Variants in SUZ12 observed in about 807,000 individuals in gnomAD.
The protein encoded by SUZ12 is polycomb protein SUZ12.
A neutral mutation model predicts 87.3 loss-of-function variants in SUZ12; 17 were observed. The ratio of observed to expected loss-of-function variants is 0.19; its 90% CI spans 0.13 to 0.29. SUZ12 has a LOEUF of 0.29. Among genes scored for constraint, SUZ12 ranks in the 10% least tolerant of loss-of-function variants. The pLI is 1.00. For synonymous variants in SUZ12, 253 were observed against 312.4 expected, an observed-to-expected ratio of 0.81 and a Z score of 2.01; for missense variants, 526 against 912.2, an observed-to-expected ratio of 0.58 and a Z score of 5.45.
intron 3 of SUZ12, among the ~76,000 whole-genome samples, chr17:31,946,975 A>C (rs930802752): frequency 2.0e-5 from 3 of 152,206 alleles, no homozygotes; most frequent in Non-Finnish European, 2.9e-5. Flanking sequence ...CTGTCTCTTT[A>C]ATATGACATA....
intron 4 of SUZ12, among the ~76,000 whole-genome samples, chr17:31,960,455 C>A (rs55671717): frequency 6.6e-6 from 1 of 152,062 alleles, no homozygotes; most frequent in Middle Eastern, 3.4e-3. Context: ...GTGATCTGCC[C>A]GCCTCGGCCT....
At chr17:31,967,834 C>T (rs1908190074) in intron 5 of SUZ12, among the ~76,000 whole-genome samples, 1 of 152,160 alleles carries the variant, frequency 6.6e-6, no homozygotes, top group Admixed American at 6.5e-5. Context: ...CAACTCTACT[C>T]CAGGCTGGGC....
chr17:31,974,417 C>T (rs750760638), intron 6 of SUZ12, among the ~76,000 whole-genome samples: 5 of 152,110 alleles, frequency 3.3e-5, no homozygotes, highest in Non-Finnish European at 7.3e-5. Context: ...GTGCCAGCTA[C>T]TCAGGAGGCT....
intron 9 of SUZ12, among the ~76,000 whole-genome samples, chr17:31,987,502 T>C (rs572813179): frequency 4.6e-5 from 7 of 152,250 alleles, no homozygotes; most frequent in East Asian, 3.9e-4. Context: ...CTGGCAGTCA[T>C]TGTCAGTGAA....
intron 10 of SUZ12, among the ~76,000 whole-genome samples, chr17:31,990,500 A>G: frequency 6.6e-6 from 1 of 151,940 alleles, no homozygotes; most frequent in Non-Finnish European, 1.5e-5. Context: ...AGTAGCTGAC[A>G]TTACAGGCAC....
At chr17:31,969,437 C>T (rs566230707) in intron 5 of SUZ12, among the ~76,000 whole-genome samples, 3 of 152,118 alleles carry the variant, frequency 2.0e-5, no homozygotes, top group African/African-American at 7.2e-5. Flanking sequence ...TAGGCATGAG[C>T]CACCGAGCCC....
chr17:31,947,286 G>T (rs1906691491), intron 3 of SUZ12, among the ~76,000 whole-genome samples: 1 of 152,082 alleles, frequency 6.6e-6, no homozygotes, highest in South Asian at 2.1e-4. Context: ...ATATTTACAT[G>T]AGTTTTACGT....
intron 4 of SUZ12, among the ~76,000 whole-genome samples, chr17:31,948,869 G>T (rs927904131): frequency 3.9e-5 from 6 of 152,056 alleles, no homozygotes; most frequent in African/African-American, 1.2e-4. Flanking sequence ...GAGAATATTC[G>T]CAGTGCACGC....
chr17:31,962,912 G>A (rs1412005751), intron 4 of SUZ12, among the ~76,000 whole-genome samples: 1 of 152,230 alleles, frequency 6.6e-6, no homozygotes, highest in African/African-American at 2.4e-5. Flanking sequence ...GGATAGATTT[G>A]TTGTGACTGG....
intron 5 of SUZ12, among the ~76,000 whole-genome samples, chr17:31,972,794 A>T (rs1908518288): frequency 6.7e-6 from 1 of 149,696 alleles, no homozygotes; most frequent in Admixed American, 6.7e-5. Context: ...TGCCGTGCTG[A>T]TGTGTGAGGA....
At chr17:31,977,273 CT>C (rs762777458) in intron 8 of SUZ12, among the ~76,000 whole-genome samples, 15,269 of 117,148 alleles carry the variant, frequency 0.13, 1,899 homozygotes, top group African/African-American at 0.35. Context: ...GAGATCCCAT[CT>C]TTTTTTTTTT....
chr17:31,975,027 T>A (rs1908661145), intron 6 of SUZ12, among the ~76,000 whole-genome samples: 1 of 152,212 alleles, frequency 6.6e-6, no homozygotes, highest in Admixed American at 6.5e-5. Context: ...ACCATGGGAT[T>A]ATTAGTCATT....
rs752824936 is a variant in SUZ12, at chr17:31,995,787, A to G, written c.1794+25A>G. ...AGTAATTATTATTATCTTTATTGGCAATTATCTTGGAATATTATTTTGTTT... is the reference window on the plus strand; with the variant it reads ...AGTAATTATTATTATCTTTATTGGCGATTATCTTGGAATATTATTTTGTTT... On this transcript the variant is annotated intron_variant, in intron 14 of 15. Coordinates refer to ENST00000322652, the MANE Select transcript of SUZ12 (RefSeq NM_015355.4). The G allele has an allele frequency of 1.9e-5, 29 of 1,522,708 alleles. No individual in the cohort carries two copies. In the East Asian group the frequency reaches 6.5e-4, roughly 34 times the overall value. The allele number at this position is 1,522,708 out of a possible 1,614,324, so 94.3% of individuals were successfully genotyped here. A position where few individuals can be genotyped will look rare whatever the true frequency, so the allele number is the denominator to read the frequency against.
intron 4 of SUZ12, among the ~76,000 whole-genome samples, chr17:31,958,805 C>T (rs191183090): frequency 1.2e-3 from 184 of 152,160 alleles, no homozygotes; most frequent in Non-Finnish European, 9.4e-4. Context: ...GAGATTACAC[C>T]GCTGCACTCC....
rs1045554025 is a variant in SUZ12 at position 32,000,030 on chromosome 17, C to T, written c.*1027C>T. The T allele has an allele frequency of 2.1e-5, 5 of 232,694 alleles. No homozygotes were observed. The highest frequency in any genetic ancestry group is 4.2e-5 in the Non-Finnish European group (5 of 117,814). The allele number at this position is 232,694 out of a possible 1,614,324, so 14.4% of individuals were successfully genotyped here. A position where few individuals can be genotyped will look rare whatever the true frequency, so the allele number is the denominator to read the frequency against. On this transcript the variant is annotated 3_prime_UTR_variant, in exon 16 of 16. Transcript: ENST00000322652. ...ACTTGAATCATTTTGAGCAATTTTG[C>T]CCTGTGTTATATGTGTTTCACGCAC... is the stretch of plus-strand genomic sequence containing the variant.
intron 5 of SUZ12, among the ~76,000 whole-genome samples, chr17:31,971,443 T>TG (rs1908425648): frequency 6.7e-6 from 1 of 149,356 alleles, no homozygotes; most frequent in Non-Finnish European, 1.5e-5. Context: ...TTTTTTTTTT[T>TG]GGAGATGGAG....
At chr17:31,976,953 C>CA (rs1195266355) in intron 8 of SUZ12, among the ~76,000 whole-genome samples, 3 of 152,056 alleles carry the variant, frequency 2.0e-5, no homozygotes, top group Admixed American at 6.6e-5. Flanking sequence ...GACCACCACC[C>CA]AAAAAATCAA....
chr17:31,969,126 G>A (rs1026138357), intron 5 of SUZ12, among the ~76,000 whole-genome samples: 5 of 151,962 alleles, frequency 3.3e-5, no homozygotes, highest in Admixed American at 3.3e-4. Context: ...ACAGGCGGGT[G>A]CCACCACACA....
intron 4 of SUZ12, among the ~76,000 whole-genome samples, chr17:31,963,408 CCTCAT>C (rs1907861366): frequency 6.6e-6 from 1 of 150,992 alleles, no homozygotes; most frequent in Non-Finnish European, 1.5e-5. Context: ...TCCCATCCCG[CCTCAT>C]CTCCCAAAGT....
Sources: gnomAD v4.1 joint callset for allele counts (sites outside exome capture counted in the v4.1 genomes callset) on GRCh38, gnomAD v4.1.1 for gene constraint, MANE v1.5 for transcripts, NCBI Gene and HGNC (gene_info 2026-07-23, HGNC 2026-07-21) for gene names.